Variants in CADPS observed in about 807,000 individuals in gnomAD.
CADPS encodes the protein calcium dependent secretion activator.
In CADPS, 57 loss-of-function variants were observed where a neutral mutation model predicts 167.3. The ratio of observed to expected loss-of-function variants is 0.34; its 90% CI spans 0.28 to 0.42. The LOEUF (loss-of-function observed/expected upper bound fraction) is 0.42, where lower values mean the gene tolerates loss of function less well. Ranked by LOEUF, CADPS falls within the 20% of genes least tolerant of loss-of-function variation. The pLI is 1.00. For synonymous variants in CADPS, 676 were observed against 635.3 expected, an observed-to-expected ratio of 1.06 and a Z score of -0.96; for missense variants, 1,414 against 1,738.1, an observed-to-expected ratio of 0.81 and a Z score of 3.32.
intron 20 of CADPS, among the ~76,000 whole-genome samples, chr3:62,491,728 G>A (rs1329319342): frequency 6.6e-6 from 1 of 152,122 alleles, no homozygotes; most frequent in Non-Finnish European, 1.5e-5. Context: ...AAGGAAAAAC[G>A]ATCATGCTAC....
intron 6 of CADPS, among the ~76,000 whole-genome samples, chr3:62,630,306 T>C (rs2065040829): frequency 6.6e-6 from 1 of 152,126 alleles, no homozygotes; most frequent in Non-Finnish European, 1.5e-5. Flanking sequence ...ATTGATAATA[T>C]ATTTGAATCC....
intron 27 of CADPS, among the ~76,000 whole-genome samples, chr3:62,443,644 C>T (rs1399113330): frequency 6.6e-6 from 1 of 152,084 alleles, no homozygotes; most frequent in Non-Finnish European, 1.5e-5. Flanking sequence ...GGCTTTTTTC[C>T]TTTCACTCAT....
At chr3:62,805,838 A>G (rs1163808090) in intron 1 of CADPS, among the ~76,000 whole-genome samples, 3 of 152,158 alleles carry the variant, frequency 2.0e-5, no homozygotes, top group Non-Finnish European at 2.9e-5. Flanking sequence ...AGTATTTAAT[A>G]TACTGGCTCC....
intron 1 of CADPS, among the ~76,000 whole-genome samples, chr3:62,846,870 G>A (rs1441367269): frequency 2.0e-5 from 3 of 152,156 alleles, no homozygotes; most frequent in African/African-American, 7.2e-5. Flanking sequence ...GTTTCGCCAT[G>A]TTGGTCAGGC....
At chr3:62,437,110 T>C (rs2055251823) in intron 28 of CADPS, among the ~76,000 whole-genome samples, 1 of 151,558 alleles carries the variant, frequency 6.6e-6, no homozygotes, top group Non-Finnish European at 1.5e-5. Context: ...AATGTTCGCA[T>C]TGGCACTAAA....
chr3:62,676,622 G>A (rs773108110), intron 3 of CADPS, among the ~76,000 whole-genome samples: 6 of 152,050 alleles, frequency 3.9e-5, no homozygotes, highest in Admixed American at 1.3e-4. Context: ...TATTATTGTC[G>A]GTGTTGATGG....
At chr3:62,608,771 A>T (rs2061059262) in intron 6 of CADPS, among the ~76,000 whole-genome samples, 1 of 152,176 alleles carries the variant, frequency 6.6e-6, no homozygotes, top group Admixed American at 6.5e-5. Context: ...TCCCAGACAT[A>T]ACTAAAATTT....
intron 3 of CADPS, among the ~76,000 whole-genome samples, chr3:62,706,220 A>G (rs1036166957): frequency 2.6e-5 from 4 of 152,174 alleles, no homozygotes; most frequent in Admixed American, 2.6e-4. Context: ...GAAGCCTACC[A>G]TGATGTCCTC....
At chr3:62,822,925 A>T (rs2073277950) in intron 1 of CADPS, among the ~76,000 whole-genome samples, 1 of 152,200 alleles carries the variant, frequency 6.6e-6, no homozygotes, top group South Asian at 2.1e-4. Flanking sequence ...AGGCAGGGAA[A>T]TGATGGAAAG....
chr3:62,671,598 G>A (rs910321476), intron 3 of CADPS, among the ~76,000 whole-genome samples: 3 of 151,996 alleles, frequency 2.0e-5, no homozygotes, highest in Admixed American at 6.6e-5. Flanking sequence ...CTCAACCACC[G>A]ATTTCATATT....
intron 1 of CADPS, among the ~76,000 whole-genome samples, chr3:62,817,807 A>G (rs559572001): frequency 7.2e-5 from 11 of 152,300 alleles, no homozygotes; most frequent in African/African-American, 2.6e-4. Context: ...ACATTAACAC[A>G]AGGTTCAAGT....
rs545359923 is a variant in CADPS at position 62,502,304 on chromosome 3, AT to A, written c.2600-3037del. Among the ~76,000 whole-genome samples the A allele has an allele frequency of 8.7e-3, 1,256 of 143,926 alleles. 5 individuals carry two copies. The highest frequency in any genetic ancestry group is 0.018 in the African/African-American group (721 of 39,486). The allele number at this position is 143,926 out of a possible 152,430, so 94.4% of individuals were successfully genotyped here. ...AAGGAGAAATTTGTGCTTAGAAGTG[AT>A]TTTTTTTTTTTTTGGCCACTTAACG... On this transcript the variant is annotated intron_variant, in intron 17 of 29. Transcript: ENST00000383710.
At chr3:62,791,196 A>C (rs2092912142) in intron 1 of CADPS, among the ~76,000 whole-genome samples, 1 of 152,224 alleles carries the variant, frequency 6.6e-6, no homozygotes, top group African/African-American at 2.4e-5. Context: ...CTATAGCAGT[A>C]TAGTGCAATG....
At chr3:62,407,901 T>G (rs540995794) in intron 28 of CADPS, among the ~76,000 whole-genome samples, 1 of 152,226 alleles carries the variant, frequency 6.6e-6, no homozygotes, top group East Asian at 1.9e-4. Flanking sequence ...GTCCGGCTAA[T>G]TTTTTGTACT....
chr3:62,648,419 C>T (rs1202824720), intron 5 of CADPS, among the ~76,000 whole-genome samples: 1 of 151,966 alleles, frequency 6.6e-6, no homozygotes, highest in Non-Finnish European at 1.5e-5. Flanking sequence ...TGGTGGTGCA[C>T]ATCTACAATC....
intron 26 of CADPS, among the ~76,000 whole-genome samples, chr3:62,452,154 T>C (rs1249012405): frequency 3.9e-5 from 6 of 152,176 alleles, no homozygotes; most frequent in Non-Finnish European, 5.9e-5. Context: ...GTAGCACTCT[T>C]ATAGGACAAC....
chr3:62,529,988 A>G (rs993644178), intron 13 of CADPS, among the ~76,000 whole-genome samples: 9 of 152,308 alleles, frequency 5.9e-5, no homozygotes, highest in Admixed American at 4.6e-4. Context: ...AAAAGGGAAA[A>G]AGTTCACCAA....
intron 1 of CADPS, among the ~76,000 whole-genome samples, chr3:62,790,803 A>G (rs1181642457): frequency 6.6e-6 from 1 of 152,198 alleles, no homozygotes; most frequent in Non-Finnish European, 1.5e-5. Flanking sequence ...AAAGCTACAC[A>G]TGGAGAAAAG....
At chr3:62,651,298 C>T (rs182571140) in intron 4 of CADPS, among the ~76,000 whole-genome samples, 1 of 152,282 alleles carries the variant, frequency 6.6e-6, no homozygotes, top group East Asian at 1.9e-4. Flanking sequence ...GAAACACGTA[C>T]ATAAACATAT....
Sources: allele counts gnomAD v4.1 joint callset (sites outside exome capture counted in the v4.1 genomes callset), GRCh38; gene constraint gnomAD v4.1.1; transcripts MANE v1.5; gene names NCBI Gene and HGNC (gene_info 2026-07-23, HGNC 2026-07-21).